CTNNA2: variants seen among roughly 807,000 people sequenced by gnomAD.
The protein encoded by CTNNA2 is catenin alpha-2.
In CTNNA2, 42 loss-of-function variants were observed where a neutral mutation model predicts 101.0. That is an observed-to-expected ratio of 0.42 (90% confidence interval 0.32 to 0.54). The LOEUF (loss-of-function observed/expected upper bound fraction) is 0.54, where lower values mean the gene tolerates loss of function less well. Among genes scored for constraint, CTNNA2 ranks in the 20% least tolerant of loss-of-function variants. The probability of loss-of-function intolerance (pLI) is 0.14; values close to 1 mark genes in which losing one functional copy is unlikely to be tolerated. For missense variants in CTNNA2, 871 were observed against 1,223.1 expected, an observed-to-expected ratio of 0.71 and a Z score of 4.29; for synonymous variants, 450 against 456.4, an observed-to-expected ratio of 0.99 and a Z score of 0.18.
chr2:79,536,680 A>ATT (rs200253287), intron 1 of CTNNA2, among the ~76,000 whole-genome samples: 3 of 78,570 alleles, frequency 3.8e-5, no homozygotes, highest in African/African-American at 1.4e-4. Flanking sequence ...TTCACCATGG[A>ATT]TTTTTTTTTT....
At chr2:79,616,692 T>C (rs1190724766) in intron 1 of CTNNA2, among the ~76,000 whole-genome samples, 1 of 152,172 alleles carries the variant, frequency 6.6e-6, no homozygotes, top group Non-Finnish European at 1.5e-5. Context: ...TTTCTTCTTG[T>C]TTAGTAGATA....
chr2:80,173,184 T>C (rs937246281), intron 7 of CTNNA2, among the ~76,000 whole-genome samples: 11 of 152,182 alleles, frequency 7.2e-5, no homozygotes, highest in African/African-American at 2.4e-4. Context: ...AGCAGCCTAG[T>C]CTTGGGTTCT....
intron 2 of CTNNA2, among the ~76,000 whole-genome samples, chr2:79,273,448 T>G (rs59287486): frequency 1.3e-4 from 20 of 152,220 alleles, no homozygotes; most frequent in African/African-American, 4.8e-4. Context: ...TATATTGACT[T>G]TGGAAACAAA....
At chr2:79,695,478 A>G (rs1248134993) in intron 2 of CTNNA2, among the ~76,000 whole-genome samples, 1 of 151,988 alleles carries the variant, frequency 6.6e-6, no homozygotes, top group Admixed American at 6.6e-5. Flanking sequence ...AAACTATAGG[A>G]GCAGTCATGA....
intron 7 of CTNNA2, among the ~76,000 whole-genome samples, chr2:80,048,502 A>G (rs1696671628): frequency 6.6e-6 from 1 of 152,220 alleles, no homozygotes; most frequent in African/African-American, 2.4e-5. Context: ...GAGTCAGCAT[A>G]ATTCTCAGGT....
At chr2:79,715,385 G>C (rs751744180) in intron 2 of CTNNA2, among the ~76,000 whole-genome samples, 1 of 152,006 alleles carries the variant, frequency 6.6e-6, no homozygotes, top group Non-Finnish European at 1.5e-5. Context: ...TAGGACCAAC[G>C]AACAGAAATA....
chr2:80,525,563 C>G (rs568611192), intron 9 of CTNNA2, among the ~76,000 whole-genome samples: 1 of 152,274 alleles, frequency 6.6e-6, no homozygotes, highest in South Asian at 2.1e-4. Context: ...TCAGCTAAGC[C>G]TGACTTTCCA....
chr2:79,303,517 C>T (rs1322753371), intron 2 of CTNNA2, among the ~76,000 whole-genome samples: 4 of 152,056 alleles, frequency 2.6e-5, no homozygotes. Flanking sequence ...GGTGGACAAC[C>T]TAATGTCTAA....
chr2:79,308,648 A>C (rs1179736446), intron 2 of CTNNA2, among the ~76,000 whole-genome samples: 1 of 152,102 alleles, frequency 6.6e-6, no homozygotes, highest in Non-Finnish European at 1.5e-5. Flanking sequence ...TCATACATTT[A>C]GGTCTTTGAT....
At chr2:79,220,653 T>C (rs1235625847) in intron 2 of CTNNA2, among the ~76,000 whole-genome samples, 1 of 152,172 alleles carries the variant, frequency 6.6e-6, no homozygotes, top group Admixed American at 6.5e-5. Context: ...TCTACTTTGG[T>C]AGAAAACCTT....
chr2:79,886,926 T>A (rs923076420), intron 6 of CTNNA2, among the ~76,000 whole-genome samples: 1 of 151,020 alleles, frequency 6.6e-6, no homozygotes, highest in African/African-American at 2.4e-5. Flanking sequence ...TCAAGTAATC[T>A]TCCCACCTCA....
In CTNNA2 at chr2:79,330,141, AGAG is replaced by A. The variant is rs551812857; in HGVS notation, c.-318+17349_-318+17351del. 3.1e-3 allele frequency among the ~76,000 whole-genome samples: 466 copies of A among 152,280 alleles called. 1 individual carries two copies. The highest frequency in any genetic ancestry group is 4.9e-3 in the Non-Finnish European group (333 of 68,012). ...CTGGCACTAATTCCAGGCTGTGCTG[AGAG>A]GAGATCAGTCCTACCAGCTGTCCAC... On this transcript the variant is annotated intron_variant, in intron 3 of 21. Transcript: ENST00000466387.
chr2:79,705,664 T>C (rs1356628223), intron 2 of CTNNA2, among the ~76,000 whole-genome samples: 2 of 152,344 alleles, frequency 1.3e-5, no homozygotes, highest in African/African-American at 4.8e-5. Context: ...CCTTACTTTA[T>C]GCTGTTTGTC....
In CTNNA2 at chr2:80,620,034, T is replaced by C. The variant is rs138481236; in HGVS notation, c.2574+806T>C. Among the ~76,000 whole-genome samples the C allele has an allele frequency of 6.5e-3, 981 of 152,004 alleles. 6 individuals are homozygous for C. The highest frequency in any genetic ancestry group is 9.5e-3 in the Non-Finnish European group (645 of 67,906). On this transcript the variant is annotated intron_variant, in intron 18 of 18. Transcript: ENST00000402739. Reference sequence around the variant, plus strand: ...ACTTCTTTCCTCGTTCTCTCCTGGGTACCTATTAAAACTATCAAGATGCAA... The same window carrying C: ...ACTTCTTTCCTCGTTCTCTCCTGGGCACCTATTAAAACTATCAAGATGCAA...
chr2:80,556,127 T>A, intron 12 of CTNNA2, among the ~76,000 whole-genome samples: 1 of 152,218 alleles, frequency 6.6e-6, no homozygotes, highest in East Asian at 1.9e-4. Context: ...ACTTTTCATA[T>A]AGATCATTTG....
intron 9 of CTNNA2, among the ~76,000 whole-genome samples, chr2:80,492,177 T>G (rs1405770179): frequency 1.8e-4 from 27 of 152,170 alleles, no homozygotes; most frequent in Non-Finnish European, 1.5e-5. Context: ...ATTGAGTGTA[T>G]TCTCACGAGA....
chr2:79,944,686 C>G (rs1175817190), intron 7 of CTNNA2, among the ~76,000 whole-genome samples: 1 of 152,134 alleles, frequency 6.6e-6, no homozygotes, highest in African/African-American at 2.4e-5. Context: ...TTGAAATATA[C>G]CAACATCTAA....
chr2:80,490,088 T>A (rs905141657), intron 9 of CTNNA2, among the ~76,000 whole-genome samples: 1 of 152,176 alleles, frequency 6.6e-6, no homozygotes, highest in Admixed American at 6.5e-5. Context: ...CTTATTTGAG[T>A]GAACCAGCTG....
intron 7 of CTNNA2, among the ~76,000 whole-genome samples, chr2:79,973,746 T>C (rs1159419163): frequency 6.6e-6 from 1 of 151,746 alleles, no homozygotes; most frequent in Non-Finnish European, 1.5e-5. Flanking sequence ...AACTGAGGAG[T>C]GTTACATAAT....
Sources: gnomAD v4.1 joint callset for allele counts (sites outside exome capture counted in the v4.1 genomes callset) on GRCh38, gnomAD v4.1.1 for gene constraint, MANE v1.5 for transcripts, NCBI Gene and HGNC (gene_info 2026-07-23, HGNC 2026-07-21) for gene names.